The following LAMA2 variants were observed in gnomAD, a reference collection of about 807,000 sequenced individuals.
LAMA2 encodes laminin subunit alpha 2, also known as laminin subunit alpha-2.
Under a neutral mutation model 364.8 loss-of-function variants are expected in LAMA2, and 269 were observed. That is an observed-to-expected ratio of 0.74 (90% CI 0.67 to 0.82). LAMA2 has a LOEUF of 0.82. Among genes scored for constraint, LAMA2 ranks in the 40% least tolerant of loss-of-function variants. The pLI, the probability that LAMA2 is intolerant of heterozygous loss-of-function variation, is 0.00. For synonymous variants in LAMA2, 1,379 were observed against 1,370.6 expected (o/e 1.01, Z -0.14); for missense variants, 3,807 against 3,873.2 (o/e 0.98, Z 0.45).
Position 129,260,770 on chromosome 6 carries a change from C to G in LAMA2, c.2156C>G (p.Ala719Gly). ...TATCCTACTGATGGAAGCATTGCAGCAGCTGTAGAAGTGTGTCAGTGCCCA... is the reference window on the plus strand; with the variant it reads ...TATCCTACTGATGGAAGCATTGCAGGAGCTGTAGAAGTGTGTCAGTGCCCA... ...VSYPTDGSIA[A>G]AVEVCQCPPG... Residue 719 changes from alanine to glycine, a missense_variant, in exon 15 of 65, where the codon GCA becomes GGA. Physicochemically the swap from Ala to Gly is moderately conservative, Grantham distance 60. Coordinates refer to ENST00000421865, the MANE Select transcript of LAMA2 (RefSeq NM_000426.4). 6.2e-7 allele frequency: 1 copy of G among 1,612,728 alleles called. No individual in the cohort carries two copies.
chr6:128,994,953 T>G (rs1783836001), intron 1 of LAMA2, among the ~76,000 whole-genome samples: 1 of 152,284 alleles, frequency 6.6e-6, no homozygotes, highest in Admixed American at 6.5e-5. Flanking sequence ...TTCCCTAGAT[T>G]TGTGACTCTT....
intron 3 of LAMA2, among the ~76,000 whole-genome samples, chr6:129,064,854 T>G (rs1789186324): frequency 6.6e-6 from 1 of 152,144 alleles, no homozygotes. Flanking sequence ...CTAATACCAA[T>G]CCTTCTCAAA....
At chr6:128,944,310 C>T (rs1780361024) in intron 1 of LAMA2, among the ~76,000 whole-genome samples, 1 of 152,004 alleles carries the variant, frequency 6.6e-6, no homozygotes, top group Non-Finnish European at 1.5e-5. Context: ...TATGTTCACC[C>T]CAAAGTTTGC....
At chr6:129,032,367 G>C (rs1204591967) in intron 1 of LAMA2, among the ~76,000 whole-genome samples, 1 of 152,150 alleles carries the variant, frequency 6.6e-6, no homozygotes, top group East Asian at 1.9e-4. Flanking sequence ...CAAAGCATTA[G>C]GAAAGCCCTC....
intron 8 of LAMA2, among the ~76,000 whole-genome samples, chr6:129,156,222 A>G (rs915554449): frequency 1.3e-5 from 2 of 151,550 alleles, no homozygotes; most frequent in African/African-American, 4.8e-5. Context: ...TGATAAATAT[A>G]TACAATTTTG....
intron 29 of LAMA2, among the ~76,000 whole-genome samples, chr6:129,328,900 G>T (rs1030731581): frequency 1.9e-4 from 29 of 152,096 alleles, no homozygotes; most frequent in Admixed American, 3.3e-4. Context: ...CTATCATGAG[G>T]TTGTATTATG....
chr6:129,087,245 GTCT>G (rs1774438074), intron 3 of LAMA2, among the ~76,000 whole-genome samples: 2 of 152,138 alleles, frequency 1.3e-5, no homozygotes, highest in African/African-American at 4.8e-5. Context: ...GTTACTACCT[GTCT>G]CTTAGAGTTC....
intron 62 of LAMA2, among the ~76,000 whole-genome samples, chr6:129,509,622 A>G (rs1009917250): frequency 3.9e-5 from 6 of 152,080 alleles, no homozygotes; most frequent in African/African-American, 9.7e-5. Flanking sequence ...TCCTTTCCCT[A>G]ATGTATGTTC....
chr6:129,345,087 G>C (rs1331057919), intron 30 of LAMA2, among the ~76,000 whole-genome samples: 2 of 152,166 alleles, frequency 1.3e-5, no homozygotes, highest in Non-Finnish European at 2.9e-5. Flanking sequence ...ATCACTTACA[G>C]TAAGGTATAT....
chr6:129,051,773 G>C (rs1286371142), intron 2 of LAMA2, among the ~76,000 whole-genome samples: 1 of 150,480 alleles, frequency 6.6e-6, no homozygotes, highest in Non-Finnish European at 1.5e-5. Flanking sequence ...ATTAGTTTCA[G>C]GTTCATTAGG....
intron 41 of LAMA2, among the ~76,000 whole-genome samples, chr6:129,434,018 A>G (rs1220739184): frequency 1.3e-5 from 2 of 152,194 alleles, no homozygotes; most frequent in Non-Finnish European, 2.9e-5. Context: ...TCTGTGTCCT[A>G]TAGTGATTTC....
At chr6:129,107,942 T>G (rs971971863) in intron 4 of LAMA2, among the ~76,000 whole-genome samples, 155 of 152,274 alleles carry the variant, frequency 1.0e-3, no homozygotes, top group African/African-American at 3.5e-3. Flanking sequence ...CTGCTGAAGC[T>G]CTATGTGAGA....
intron 31 of LAMA2, among the ~76,000 whole-genome samples, chr6:129,352,548 T>TA (rs1456776776): frequency 1.3e-5 from 2 of 152,344 alleles, no homozygotes; most frequent in Non-Finnish European, 2.9e-5. Flanking sequence ...GCCTCATTGG[T>TA]AAAATTAATG....
At chr6:129,112,841 A>G (rs187174316) in intron 4 of LAMA2, among the ~76,000 whole-genome samples, 1 of 152,044 alleles carries the variant, frequency 6.6e-6, no homozygotes, top group East Asian at 1.9e-4. Flanking sequence ...GCCTTGACTC[A>G]CCATAATTAT....
intron 7 of LAMA2, among the ~76,000 whole-genome samples, chr6:129,152,891 A>G (rs949275518): frequency 2.0e-5 from 3 of 152,158 alleles, no homozygotes; most frequent in Non-Finnish European, 2.9e-5. Context: ...ATTTACTGTT[A>G]GTAAAAAGAA....
chr6:129,516,438 A>C lies in LAMA2; in HGVS notation c.*91A>C. Reference sequence around the variant, plus strand: ...TATTTTACCTATATATGTTAATTAAACTAATTTGTGCATGTACATAGAATT... The same window carrying C: ...TATTTTACCTATATATGTTAATTAACCTAATTTGTGCATGTACATAGAATT... On this transcript the variant is annotated 3_prime_UTR_variant, in exon 65 of 65. Coordinates refer to ENST00000421865, the MANE Select transcript of LAMA2 (RefSeq NM_000426.4). The C allele has an allele frequency of 7.7e-7, 1 of 1,292,466 alleles. No homozygotes were observed. Among genetic ancestry groups the C allele is most frequent in the East Asian group, 2.5e-5 (1 of 39,672 alleles). 80.1% of individuals were successfully genotyped at this position (1,292,466 alleles called of 1,614,324 possible). A position where few individuals can be genotyped will look rare whatever the true frequency, so the allele number is the denominator to read the frequency against.
chr6:129,350,501 A>G (rs551669763), intron 31 of LAMA2, among the ~76,000 whole-genome samples: 1 of 152,332 alleles, frequency 6.6e-6, no homozygotes, highest in East Asian at 1.9e-4. Context: ...TGAGAGTACA[A>G]AAGTCCAGCT....
intron 9 of LAMA2, among the ~76,000 whole-genome samples, chr6:129,169,122 C>T (rs1056155174): frequency 6.6e-6 from 1 of 151,822 alleles, no homozygotes; most frequent in Non-Finnish European, 1.5e-5. Flanking sequence ...GACAATTTGA[C>T]TTCCTCTTTT....
At chr6:128,917,656 T>C (rs1324375049) in intron 1 of LAMA2, among the ~76,000 whole-genome samples, 1 of 151,680 alleles carries the variant, frequency 6.6e-6, no homozygotes, top group Non-Finnish European at 1.5e-5. Context: ...CTTACAACTT[T>C]TTCTCTTTAT....
Sources: allele counts gnomAD v4.1 joint callset (sites outside exome capture counted in the v4.1 genomes callset), GRCh38; gene constraint gnomAD v4.1.1; transcripts MANE v1.5; gene names NCBI Gene and HGNC (gene_info 2026-07-23, HGNC 2026-07-21).